Variants in LTBP1 observed in about 807,000 individuals in gnomAD.
The protein encoded by LTBP1 is latent-transforming growth factor beta-binding protein 1.
Under a neutral mutation model 207.6 loss-of-function variants are expected in LTBP1, and 129 were observed. That is an observed-to-expected ratio of 0.62 (90% confidence interval 0.54 to 0.72). The LOEUF (loss-of-function observed/expected upper bound fraction) is 0.72, where lower values mean the gene tolerates loss of function less well. LTBP1 is among the 30% of genes least tolerant of loss of function. The probability of loss-of-function intolerance (pLI) is 0.00; values close to 1 mark genes in which losing one functional copy is unlikely to be tolerated. For missense variants in LTBP1, 2,281 were observed against 2,217.2 expected (o/e 1.03, Z -0.58); for synonymous variants, 963 against 833.7 (o/e 1.16, Z -2.67).
intron 4 of LTBP1, among the ~76,000 whole-genome samples, chr2:33,132,194 A>C (rs2081851772): frequency 6.6e-6 from 1 of 152,230 alleles, no homozygotes; most frequent in Non-Finnish European, 1.5e-5. Context: ...TTGAACACAC[A>C]AAGTATCCTC....
At chr2:33,161,808 A>G (rs137958907) in intron 5 of LTBP1, among the ~76,000 whole-genome samples, 1 of 152,358 alleles carries the variant, frequency 6.6e-6, no homozygotes, top group East Asian at 1.9e-4. Flanking sequence ...ATAAACATTC[A>G]TGATCGCTTT....
At chr2:33,104,890 G>A (rs11124305) in intron 3 of LTBP1, among the ~76,000 whole-genome samples, 32,932 of 151,788 alleles carry the variant, frequency 0.22, 3,802 homozygotes, top group African/African-American at 0.29. Flanking sequence ...ACGCCTCATT[G>A]CACTTACTTT....
intron 7 of LTBP1, among the ~76,000 whole-genome samples, chr2:33,203,348 G>C (rs574393334): frequency 2.0e-5 from 3 of 152,282 alleles, no homozygotes; most frequent in African/African-American, 7.2e-5. Flanking sequence ...GCATGTCACT[G>C]GGCTCCTGCC....
intron 5 of LTBP1, among the ~76,000 whole-genome samples, chr2:33,172,956 C>G (rs942027617): frequency 4.6e-5 from 7 of 151,896 alleles, no homozygotes; most frequent in African/African-American, 1.4e-4. Flanking sequence ...TTGAAACCAA[C>G]GAGAACAAAG....
At chr2:33,337,125 A>G (rs1573904993) in intron 24 of LTBP1, among the ~76,000 whole-genome samples, 1 of 152,236 alleles carries the variant, frequency 6.6e-6, no homozygotes, top group East Asian at 1.9e-4. Context: ...CTTTACATAA[A>G]TGAGAAGGTG....
At chr2:33,373,430 AT>A (rs2095095293) in intron 31 of LTBP1, among the ~76,000 whole-genome samples, 2 of 152,210 alleles carry the variant, frequency 1.3e-5, no homozygotes, top group Admixed American at 1.3e-4. Context: ...TTTAATGCCT[AT>A]TGAATAAAAG....
chr2:33,190,086 G>A (rs1020098108), intron 7 of LTBP1, among the ~76,000 whole-genome samples: 4 of 152,150 alleles, frequency 2.6e-5, no homozygotes, highest in African/African-American at 9.7e-5. Context: ...TGTTTGAAGT[G>A]TAACTTTAGG....
intron 3 of LTBP1, among the ~76,000 whole-genome samples, chr2:33,026,397 A>G (rs752233664): frequency 8.5e-5 from 13 of 152,270 alleles, no homozygotes; most frequent in Middle Eastern, 3.4e-3. Flanking sequence ...TGCTTAATAT[A>G]TATATATTTA....
At chr2:33,289,539 A>T (rs7572682) in intron 19 of LTBP1, among the ~76,000 whole-genome samples, 116,579 of 151,750 alleles carry the variant, frequency 0.77, 45,131 homozygotes, top group Non-Finnish European at 0.8. Context: ...TAAAAAAAAA[A>T]TTTGTGTGTG....
intron 7 of LTBP1, among the ~76,000 whole-genome samples, chr2:33,194,957 G>A (rs995398276): frequency 6.6e-6 from 1 of 152,198 alleles, no homozygotes; most frequent in Non-Finnish European, 1.5e-5. Context: ...TACTCTGCCT[G>A]TGCTATATAA....
At chr2:33,140,754 G>A (rs576388306) in intron 5 of LTBP1, among the ~76,000 whole-genome samples, 10 of 150,020 alleles carry the variant, frequency 6.7e-5, no homozygotes, top group African/African-American at 2.5e-4. Context: ...TGCAACCTCC[G>A]CCTTCCGGGT....
intron 2 of LTBP1, among the ~76,000 whole-genome samples, chr2:32,964,368 T>G (rs891397929): frequency 2.6e-5 from 4 of 152,210 alleles, no homozygotes; most frequent in Non-Finnish European, 5.9e-5. Context: ...TCTTTTCTTT[T>G]CTTTCCACAA....
At chr2:33,193,432 G>A (rs916547985) in intron 7 of LTBP1, among the ~76,000 whole-genome samples, 12 of 152,154 alleles carry the variant, frequency 7.9e-5, no homozygotes, top group African/African-American at 2.2e-4. Context: ...ATGAGCCACC[G>A]CACCCAGCAG....
rs530002057 is a variant in LTBP1 at position 33,347,935 on chromosome 2, G to C, written c.4000+425G>C. The stretch of plus-strand genomic sequence containing the variant: ...TTAAAAGCAACATATAGGCCTCTTA[G>C]GATCTACAAAGACTTCCACTTGGAA... On this transcript the variant is annotated intron_variant, in intron 26 of 33. Coordinates refer to ENST00000404816, the MANE Select transcript of LTBP1 (RefSeq NM_206943.4). Among the ~76,000 whole-genome samples, 5 of 152,146 alleles carry C rather than the reference G, an allele frequency of 3.3e-5. No homozygotes were observed. In the East Asian group the frequency reaches 9.6e-4, roughly 29 times the overall value.
chr2:33,335,865 C>G (rs116757216), intron 24 of LTBP1, among the ~76,000 whole-genome samples: 3,783 of 152,180 alleles, frequency 0.025, 55 homozygotes, highest in Middle Eastern at 0.088. Flanking sequence ...ATTCTGGCAC[C>G]AAATACTTAA....
At chr2:33,360,496 C>G (rs1430842495) in intron 26 of LTBP1, 101 bp from the exon 27 acceptor site, 2 of 706,540 alleles carry the variant, frequency 2.8e-6, no homozygotes, top group Non-Finnish European at 4.8e-6. Flanking sequence ...AAAGCAAATG[C>G]TATTGACACG....
At chr2:33,378,863 GCAGA>G (rs2095177474) in intron 31 of LTBP1, among the ~76,000 whole-genome samples, 1 of 152,190 alleles carries the variant, frequency 6.6e-6, no homozygotes, top group Admixed American at 6.5e-5. Flanking sequence ...CTTTTATGCC[GCAGA>G]CAGATTGTGC....
At chr2:33,136,794 A>G (rs1000025713) in intron 5 of LTBP1, among the ~76,000 whole-genome samples, 3 of 152,248 alleles carry the variant, frequency 2.0e-5, no homozygotes, top group Admixed American at 2.0e-4. Context: ...CCTTGCTGGC[A>G]CTGAACCAGA....
At position 32,947,752 on chromosome 2, in the gene LTBP1, T is replaced by G; in HGVS notation, c.428T>G (p.Val143Gly). Residue 143 changes from valine to glycine, a missense_variant, in exon 1 of 34, where the codon GTG becomes GGG. By Grantham distance (109) the Val-to-Gly change is moderately radical. Transcript: ENST00000404816. ...KQGRQVVRSK[V>G]PQETQSGGGS... ...GGCAGGCAAGTTGTGCGCTCCAAGG[T>G]GCCGCAGGAGACCCAGAGCGGCGGA... 1.3e-6 allele frequency: 2 copies of G among 1,531,556 alleles called. No homozygotes were observed. The highest frequency in any genetic ancestry group is 1.8e-6 in the Non-Finnish European group (2 of 1,140,032). The allele number at this position is 1,531,556 out of a possible 1,614,324, so 94.9% of individuals were successfully genotyped here. A position where few individuals can be genotyped will look rare whatever the true frequency, so the allele number is the denominator to read the frequency against.
Sources: gnomAD v4.1 joint callset for allele counts (sites outside exome capture counted in the v4.1 genomes callset) on GRCh38, gnomAD v4.1.1 for gene constraint, MANE v1.5 for transcripts, NCBI Gene and HGNC (gene_info 2026-07-23, HGNC 2026-07-21) for gene names.